Variants in PRKG1 observed in about 807,000 individuals in gnomAD.
PRKG1 encodes the protein protein kinase cGMP-dependent 1.
PRKG1 carries 35 observed loss-of-function variants against 88.1 expected under a neutral mutation model. The ratio of observed to expected loss-of-function variants is 0.40; its 90% CI spans 0.30 to 0.53. The LOEUF (loss-of-function observed/expected upper bound fraction) is 0.53. Ranked by LOEUF, PRKG1 falls within the 20% of genes least tolerant of loss-of-function variation. PRKG1 has a pLI of 0.59. For missense variants in PRKG1, 540 were observed against 839.8 expected, an observed-to-expected ratio of 0.64 and a Z score of 4.41; for synonymous variants, 303 against 292.5, an observed-to-expected ratio of 1.04 and a Z score of -0.37.
intron 3 of PRKG1, among the ~76,000 whole-genome samples, chr10:51,634,140 C>A (rs1839596742): frequency 6.6e-6 from 1 of 151,966 alleles, no homozygotes; most frequent in Admixed American, 6.6e-5. Flanking sequence ...GAGATTTGGA[C>A]AAAGCTCTGT....
intron 2 of PRKG1, among the ~76,000 whole-genome samples, chr10:51,219,758 T>C (rs1480874068): frequency 6.6e-6 from 1 of 151,972 alleles, no homozygotes; most frequent in Admixed American, 6.6e-5. Flanking sequence ...AAGGAGCATC[T>C]GTTTAAATTT....
At chr10:51,507,347 G>T (rs1237328260) in intron 3 of PRKG1, among the ~76,000 whole-genome samples, 1 of 151,938 alleles carries the variant, frequency 6.6e-6, no homozygotes, top group Non-Finnish European at 1.5e-5. Context: ...AGAATTGGGT[G>T]AAAAAGATAT....
chr10:51,375,463 T>C (rs1842798361), intron 2 of PRKG1, among the ~76,000 whole-genome samples: 1 of 151,882 alleles, frequency 6.6e-6, no homozygotes, highest in Non-Finnish European at 1.5e-5. Context: ...ATAGAAGACA[T>C]ACTGGCTGAG....
At chr10:51,266,051 T>A (rs1839828181) in intron 2 of PRKG1, among the ~76,000 whole-genome samples, 1 of 152,164 alleles carries the variant, frequency 6.6e-6, no homozygotes, top group Non-Finnish European at 1.5e-5. Context: ...GGGGAAATAA[T>A]GTGCATTTTT....
chr10:51,813,310 A>G (rs1267117277), intron 4 of PRKG1, among the ~76,000 whole-genome samples: 2 of 151,332 alleles, frequency 1.3e-5, no homozygotes, highest in Admixed American at 1.3e-4. Context: ...CAAATGGCAA[A>G]TTTCAACAAT....
chr10:52,204,802 G>A (rs1839771989), intron 9 of PRKG1, among the ~76,000 whole-genome samples: 1 of 152,168 alleles, frequency 6.6e-6, no homozygotes, highest in Admixed American at 6.5e-5. Context: ...TGAACAATAG[G>A]AAATCTGGGC....
intron 5 of PRKG1, among the ~76,000 whole-genome samples, chr10:52,013,097 G>A (rs1844937572): frequency 6.6e-6 from 1 of 152,142 alleles, no homozygotes; most frequent in African/African-American, 2.4e-5. Context: ...AGCAGGGTGT[G>A]ATAAAGGTTA....
Position 52,271,499 on chromosome 10 carries a change from C to G in PRKG1, c.1313+10C>G, listed in dbSNP as rs1254474611. ...CCGATTTCATAGTGAGGTAAAGGCT[C>G]CATGCCAGGGACAGACGTACCCAAC... On this transcript the variant is annotated intron_variant, in intron 11 of 17. Transcript: ENST00000373980. 2 of 1,610,090 alleles carry G rather than the reference C, an allele frequency of 1.2e-6. No individual in the cohort carries two copies. Among genetic ancestry groups the G allele is most frequent in the Middle Eastern group, 1.7e-4 (1 of 5,990 alleles).
chr10:51,598,424 C>T (rs1401776784), intron 3 of PRKG1, among the ~76,000 whole-genome samples: 3 of 152,170 alleles, frequency 2.0e-5, no homozygotes, highest in Admixed American at 2.0e-4. Flanking sequence ...CAGGTGCGTG[C>T]CACCATACCT....
intron 5 of PRKG1, among the ~76,000 whole-genome samples, chr10:52,033,925 A>AG (rs1211074005): frequency 6.7e-6 from 1 of 149,980 alleles, no homozygotes; most frequent in Admixed American, 6.6e-5. Flanking sequence ...TTACAGTCAA[A>AG]GGGGGGTTGT....
intron 4 of PRKG1, among the ~76,000 whole-genome samples, chr10:51,881,950 C>G (rs950752776): frequency 2.0e-5 from 3 of 152,126 alleles, no homozygotes; most frequent in African/African-American, 7.2e-5. Flanking sequence ...TTTTGACCAC[C>G]ATGCTGCTGC....
In PRKG1 at chr10:51,321,408, T is replaced by C. The variant is rs563645958; in HGVS notation, c.479-146315T>C. Among the ~76,000 whole-genome samples the C allele has an allele frequency of 3.9e-5, 6 of 152,322 alleles. No individual in the cohort carries two copies. The East Asian group carries it at 5.8e-4, about 15-fold the overall frequency. On this transcript the variant is annotated intron_variant, in intron 2 of 17. Transcript: ENST00000373980. ...ACCATACTTATTCTCATCTATAAAG[T>C]AGATGAAATGACTTCCCATTTTAGA...
chr10:51,084,962 T>G (rs1276692116), intron 1 of PRKG1, among the ~76,000 whole-genome samples: 2 of 152,264 alleles, frequency 1.3e-5, no homozygotes, highest in Non-Finnish European at 2.9e-5. Context: ...AAACATATCT[T>G]CTGGATATAC....
intron 5 of PRKG1, among the ~76,000 whole-genome samples, chr10:52,032,259 C>G (rs1845492816): frequency 6.6e-6 from 1 of 152,112 alleles, no homozygotes; most frequent in Admixed American, 6.6e-5. Context: ...CTAAGGAAAA[C>G]TGTTTGTAAG....
intron 16 of PRKG1, among the ~76,000 whole-genome samples, chr10:52,289,971 A>C (rs1371068573): frequency 6.6e-6 from 1 of 152,214 alleles, no homozygotes; most frequent in Non-Finnish European, 1.5e-5. Context: ...GGTCATAGAG[A>C]CATTATGACT....
At chr10:51,636,597 T>G (rs2132289857) in intron 3 of PRKG1, among the ~76,000 whole-genome samples, 2 of 152,202 alleles carry the variant, frequency 1.3e-5, no homozygotes, top group Middle Eastern at 6.8e-3. Flanking sequence ...GAGCTTGAAG[T>G]GATTTGGATA....
At chr10:51,420,014 G>C (rs1211172285) in intron 2 of PRKG1, among the ~76,000 whole-genome samples, 2 of 152,048 alleles carry the variant, frequency 1.3e-5, no homozygotes, top group Non-Finnish European at 2.9e-5. Context: ...AAAATGAAAG[G>C]CTCCTCTTCC....
At chr10:51,240,319 T>C (rs1459276728) in intron 2 of PRKG1, among the ~76,000 whole-genome samples, 1 of 152,224 alleles carries the variant, frequency 6.6e-6, no homozygotes, top group African/African-American at 2.4e-5. Context: ...TTCTATGTTT[T>C]TTATAGACAT....
intron 2 of PRKG1, among the ~76,000 whole-genome samples, chr10:51,395,228 G>A (rs918075389): frequency 6.6e-6 from 1 of 152,174 alleles, no homozygotes; most frequent in African/African-American, 2.4e-5. Context: ...GCAAGTCTCT[G>A]CATAACCTTC....
Sources: allele counts gnomAD v4.1 joint callset (sites outside exome capture counted in the v4.1 genomes callset), GRCh38; gene constraint gnomAD v4.1.1; transcripts MANE v1.5; gene names NCBI Gene and HGNC (gene_info 2026-07-23, HGNC 2026-07-21).